Variants in AKAP13 observed in about 807,000 individuals in gnomAD.
The protein encoded by AKAP13 is A-kinase anchor protein 13.
Under a neutral mutation model 264.5 loss-of-function variants are expected in AKAP13, and 80 were observed. The observed-to-expected ratio is 0.30, with a 90% CI of 0.25 to 0.36. AKAP13 has a LOEUF of 0.36. AKAP13 is among the 10% of genes least tolerant of loss of function. The pLI, the probability that AKAP13 is intolerant of heterozygous loss-of-function variation, is 1.00. For synonymous variants in AKAP13, 1,380 were observed against 1,250.2 expected (o/e 1.10, Z -2.19); for missense variants, 3,712 against 3,435.2 (o/e 1.08, Z -2.01).
intron 3 of AKAP13, among the ~76,000 whole-genome samples, chr15:85,523,520 C>A (rs1322942430): frequency 2.0e-5 from 3 of 152,156 alleles, no homozygotes; most frequent in Non-Finnish European, 4.4e-5. Flanking sequence ...CATTCCCTAT[C>A]CCCCTTTCCT....
intron 17 of AKAP13, among the ~76,000 whole-genome samples, chr15:85,698,019 A>C (rs35599841): frequency 2.0e-5 from 3 of 152,196 alleles, no homozygotes; most frequent in Non-Finnish European, 4.4e-5. Flanking sequence ...TCAGGCACCC[A>C]CAGTGGCTTA....
chr15:85,736,939 G>A lies in AKAP13; in HGVS notation c.7557+805G>A, dbSNP rs559303374. Among the ~76,000 whole-genome samples, 376 of 137,398 alleles carry A rather than the reference G, an allele frequency of 2.7e-3. 3 individuals carry two copies. The highest frequency in any genetic ancestry group is 9.8e-3 in the African/African-American group (351 of 35,966). 90.1% of individuals were successfully genotyped at this position (137,398 alleles called of 152,430 possible). A position where few individuals can be genotyped will look rare whatever the true frequency, so the allele number is the denominator to read the frequency against. On this transcript the variant is annotated intron_variant, in intron 33 of 36. Coordinates refer to ENST00000394518, the MANE Select transcript of AKAP13 (RefSeq NM_007200.5). ...TTTTTTTTTTTTTTTTTTTTTCTGG[G>A]GATGGATCTTGCTCTGTTGTCCAGG...
intron 1 of AKAP13, among the ~76,000 whole-genome samples, chr15:85,417,417 G>T (rs975044347): frequency 6.6e-6 from 1 of 152,174 alleles, no homozygotes; most frequent in African/African-American, 2.4e-5. Context: ...AGCAATGGGC[G>T]TTTAAGTTAG....
intron 2 of AKAP13, among the ~76,000 whole-genome samples, chr15:85,507,917 A>G (rs1335021886): frequency 1.3e-5 from 2 of 152,168 alleles, no homozygotes; most frequent in African/African-American, 4.8e-5. Context: ...CTTGCCCATG[A>G]GGGCGTGGCA....
chr15:85,746,668 GTTTC>G lies in AKAP13; in HGVS notation c.*2000_*2003del, dbSNP rs1332284734. Reference sequence around the variant, plus strand: ...GCAAAGACCCTAAACAAAAAGTTAAGTTTCTTTCTTTCACCTATTTGTACAACTC... The same window carrying G: ...GCAAAGACCCTAAACAAAAAGTTAAGTTTCTTTCACCTATTTGTACAACTC... On this transcript the variant is annotated 3_prime_UTR_variant, in exon 37 of 37. Transcript: ENST00000394518. The G allele has an allele frequency of 6.7e-6, 1 of 148,334 alleles. No homozygotes were observed. Among genetic ancestry groups the G allele is most frequent in the Non-Finnish European group, 1.5e-5 (1 of 67,948 alleles). 9.2% of individuals were successfully genotyped at this position (148,334 alleles called of 1,614,324 possible).
intron 4 of AKAP13, among the ~76,000 whole-genome samples, chr15:85,541,484 T>C (rs2077579331): frequency 6.6e-6 from 1 of 152,240 alleles, no homozygotes; most frequent in South Asian, 2.1e-4. Context: ...AAAAAGGTGC[T>C]TTTTAAACCA....
intron 2 of AKAP13, among the ~76,000 whole-genome samples, chr15:85,499,895 T>C (rs983581365): frequency 6.6e-6 from 1 of 152,144 alleles, no homozygotes; most frequent in African/African-American, 2.4e-5. Context: ...GGCTTTGTAT[T>C]TGAATTATTA....
rs1421347804 is a variant in AKAP13 at position 85,515,862 on chromosome 15, A to T, written c.34-5566A>T. 1.2e-4 allele frequency among the ~76,000 whole-genome samples: 12 copies of T among 102,482 alleles called. 4 individuals are homozygous for T. Among genetic ancestry groups the T allele is most frequent in the African/African-American group, 5.4e-4 (12 of 22,114 alleles). The allele number at this position is 102,482 out of a possible 152,430, so 67.2% of individuals were successfully genotyped here. A position where few individuals can be genotyped will look rare whatever the true frequency, so the allele number is the denominator to read the frequency against. ...TTTCCTTTTTTTTTTAAATCATTTG[A>T]TTCAGGTGTTATCTGCCAAAGTTCT... On this transcript the variant is annotated intron_variant, in intron 2 of 36. Coordinates refer to ENST00000394518, the MANE Select transcript of AKAP13 (RefSeq NM_007200.5).
At chr15:85,613,975 T>C (rs1163533968) in intron 8 of AKAP13, among the ~76,000 whole-genome samples, 1 of 151,992 alleles carries the variant, frequency 6.6e-6, no homozygotes, top group Non-Finnish European at 1.5e-5. Context: ...ATCACAAGAT[T>C]ATAGTTTAAA....
At chr15:85,438,995 G>A (rs1168960924) in intron 1 of AKAP13, among the ~76,000 whole-genome samples, 1 of 145,678 alleles carries the variant, frequency 6.9e-6, no homozygotes, top group Non-Finnish European at 1.5e-5. Context: ...AAGAGCTTCT[G>A]CACAGCAAAA....
chr15:85,551,913 A>G (rs1394219566), intron 5 of AKAP13, among the ~76,000 whole-genome samples: 3 of 152,252 alleles, frequency 2.0e-5, no homozygotes, highest in African/African-American at 7.2e-5. Context: ...TCTTAAACGC[A>G]TACCAATAGA....
rs568599991 is a variant in AKAP13, at chr15:85,735,000, C to T, written c.7291C>T (p.Leu2431Phe). The part of the protein sequence containing the change: ...MKSAINEVEI[L>F]QGLVSGNLGG... ...TGTTTCCTTTATTCCAGTGGAGATC[C>T]TTCAGGGTTTGGTGAGTGGAAATCT... The change falls in exon 31 of 37, where the codon CTT becomes TTT. Residue 2431 changes from leucine to phenylalanine, a missense_variant. By Grantham distance (22) the Leu-to-Phe change is conservative (BLOSUM62 0). Coordinates refer to ENST00000394518, the MANE Select transcript of AKAP13 (RefSeq NM_007200.5). 13 of 1,613,116 alleles carry T rather than the reference C, an allele frequency of 8.1e-6. No individual in the cohort carries two copies. The highest frequency in any genetic ancestry group is 1.1e-5 in the Non-Finnish European group (13 of 1,179,690).
intron 1 of AKAP13, among the ~76,000 whole-genome samples, chr15:85,483,835 T>A (rs2075434864): frequency 6.6e-6 from 1 of 152,140 alleles, no homozygotes; most frequent in Non-Finnish European, 1.5e-5. Context: ...AAAAAAATTA[T>A]GAAATTTTCT....
At chr15:85,743,865 C>A in intron 36 of AKAP13, 40 bp downstream of exon 36, 2 of 1,558,888 alleles carry the variant, frequency 1.3e-6, no homozygotes, top group South Asian at 2.4e-5. Context: ...GCCATAGTGT[C>A]TGTGCATTCT....
At chr15:85,565,605 T>C (rs1339331248) in intron 5 of AKAP13, among the ~76,000 whole-genome samples, 1 of 152,228 alleles carries the variant, frequency 6.6e-6, no homozygotes, top group African/African-American at 2.4e-5. Context: ...TGAGTAGTTA[T>C]TTTACAAGTC....
chr15:85,487,845 C>T (rs2075607257), intron 2 of AKAP13, among the ~76,000 whole-genome samples: 1 of 151,958 alleles, frequency 6.6e-6, no homozygotes, highest in Non-Finnish European at 1.5e-5. Context: ...GATCATCCCA[C>T]CTCAGCCTCC....
intron 1 of AKAP13, among the ~76,000 whole-genome samples, chr15:85,383,409 A>G (rs2070391352): frequency 6.6e-6 from 1 of 152,226 alleles, no homozygotes; most frequent in Admixed American, 6.5e-5. Context: ...CAGTGAAACT[A>G]TGTGAGGTAC....
chr15:85,395,812 G>A (rs988151835), intron 1 of AKAP13, among the ~76,000 whole-genome samples: 1 of 151,982 alleles, frequency 6.6e-6, no homozygotes, highest in Non-Finnish European at 1.5e-5. Flanking sequence ...GGTTAATCTA[G>A]TAGGATGTAC....
At position 85,730,776 on chromosome 15, in the gene AKAP13, C is replaced by T. The variant is rs1363344080; in HGVS notation, c.7282+69C>T. Reference sequence around the variant, plus strand: ...GTGGTTTACACACTAATATTACCTGCCAGTTTTTACTTTTTTACTTTAAAG... The same window carrying T: ...GTGGTTTACACACTAATATTACCTGTCAGTTTTTACTTTTTTACTTTAAAG... On this transcript the variant is annotated intron_variant, in intron 30 of 36. Coordinates refer to ENST00000394518, the MANE Select transcript of AKAP13 (RefSeq NM_007200.5). 15 of 1,374,372 alleles carry T rather than the reference C, an allele frequency of 1.1e-5. No individual in the cohort carries two copies. In the Admixed American group the frequency reaches 2.7e-4, roughly 25 times the overall value. 85.1% of individuals were successfully genotyped at this position (1,374,372 alleles called of 1,614,324 possible).
Sources: gnomAD v4.1 joint callset for allele counts (sites outside exome capture counted in the v4.1 genomes callset) on GRCh38, gnomAD v4.1.1 for gene constraint, MANE v1.5 for transcripts, NCBI Gene and HGNC (gene_info 2026-07-23, HGNC 2026-07-21) for gene names.